Variants in KBTBD12 observed in about 807,000 individuals in gnomAD.
KBTBD12 encodes the protein kelch repeat and BTB domain-containing protein 12.
A neutral mutation model predicts 58.7 loss-of-function variants in KBTBD12; 53 were observed. That is an observed-to-expected ratio of 0.90 (90% CI 0.72 to 1.14). The LOEUF is 1.14. Among genes scored for constraint, KBTBD12 ranks in the 50% most tolerant of loss-of-function variants. The pLI is 0.00. For missense variants in KBTBD12, 704 were observed against 751.3 expected, an observed-to-expected ratio of 0.94 and a Z score of 0.74; for synonymous variants, 236 against 259.8, an observed-to-expected ratio of 0.91 and a Z score of 0.88.
intron 5 of KBTBD12, among the ~76,000 whole-genome samples, chr3:127,965,341 C>T (rs1432577064): frequency 6.6e-6 from 1 of 152,176 alleles, no homozygotes; most frequent in Non-Finnish European, 1.5e-5. Context: ...AAGGGACTTA[C>T]TATATGAGCT....
In KBTBD12 at chr3:127,972,775, G is replaced by A. The variant is rs2116672; in HGVS notation, c.1690+9389G>A. 5.4e-3 allele frequency among the ~76,000 whole-genome samples: 819 copies of A among 152,348 alleles called. 14 individuals carry two copies. The highest frequency in any genetic ancestry group is 0.051 in the East Asian group (263 of 5,182). On this transcript the variant is annotated intron_variant, in intron 5 of 5. Transcript: ENST00000405109. ...AGCCTGAAAGGGCAGTCACTGGCCA[G>A]ATTCAAAATAATTCAAACATCAAAA...
intron 4 of KBTBD12, among the ~76,000 whole-genome samples, chr3:127,930,885 T>A (rs971760792): frequency 9.9e-5 from 15 of 152,152 alleles, no homozygotes; most frequent in Non-Finnish European, 1.8e-4. Flanking sequence ...CAACATCCCC[T>A]ATGTATCCCC....
At chr3:127,953,505 C>T (rs996549622) in intron 4 of KBTBD12, among the ~76,000 whole-genome samples, 13 of 152,168 alleles carry the variant, frequency 8.5e-5, no homozygotes, top group Non-Finnish European at 1.5e-5. Context: ...AAGATGAAAA[C>T]ATTGTATTAC....
In KBTBD12 at chr3:127,986,725, G is replaced by A. The variant is rs1559779131; in HGVS notation, c.*2447G>A. 1.3e-5 allele frequency: 2 copies of A among 152,394 alleles called. No homozygotes were observed. The highest frequency in any genetic ancestry group is 2.9e-5 in the Non-Finnish European group (2 of 68,224). The allele number at this position is 152,394 out of a possible 1,614,324, so 9.4% of individuals were successfully genotyped here. ...GATGGTCTCAATCTCTTGACCTCGT[G>A]ATCTGCCCGCCTCGGCCTCCCAAAG... On this transcript the variant is annotated 3_prime_UTR_variant, in exon 6 of 6. Coordinates refer to ENST00000405109, the MANE Select transcript of KBTBD12 (RefSeq NM_207335.4).
chr3:127,921,097 C>A lies in KBTBD12; in HGVS notation c.-112-1853C>A, dbSNP rs113941388. 8.1e-3 allele frequency among the ~76,000 whole-genome samples: 1,228 copies of A among 152,100 alleles called. 29 individuals carry two copies. The highest frequency in any genetic ancestry group is 0.028 in the African/African-American group (1,179 of 41,506). ...AATATATAGATATATCCTGCTTCAC[C>A]TTTACCAAGCCAGTTTTACCAAGAA... On this transcript the variant is annotated intron_variant, in intron 1 of 5. Coordinates refer to ENST00000405109, the MANE Select transcript of KBTBD12 (RefSeq NM_207335.4).
At chr3:127,926,907 A>G (rs1191921671) in intron 2 of KBTBD12, among the ~76,000 whole-genome samples, 2 of 152,034 alleles carry the variant, frequency 1.3e-5, no homozygotes, top group East Asian at 3.9e-4. Context: ...AACCCCATGA[A>G]GTACTTCTGT....
chr3:127,937,283 G>T (rs894574050), intron 4 of KBTBD12, among the ~76,000 whole-genome samples: 8 of 151,934 alleles, frequency 5.3e-5, no homozygotes, highest in Admixed American at 3.3e-4. Flanking sequence ...AGAAATAAAA[G>T]AATAAAATTT....
At chr3:127,971,721 G>A (rs6439103) in intron 5 of KBTBD12, among the ~76,000 whole-genome samples, 24,018 of 152,148 alleles carry the variant, frequency 0.16, 2,150 homozygotes, top group South Asian at 0.32. Context: ...AGTGGGACCC[G>A]CTGTGGGCAG....
chr3:127,944,315 A>G (rs1051134325), intron 4 of KBTBD12, among the ~76,000 whole-genome samples: 1 of 152,210 alleles, frequency 6.6e-6, no homozygotes. Context: ...TAAATCTACA[A>G]ATATGGGATA....
intron 1 of KBTBD12, among the ~76,000 whole-genome samples, chr3:127,922,336 A>G (rs989050670): frequency 4.6e-5 from 7 of 152,162 alleles, no homozygotes; most frequent in African/African-American, 1.7e-4. Flanking sequence ...GTGACTTTTC[A>G]GATCAGCTGA....
At position 127,963,175 on chromosome 3, in the gene KBTBD12, A is replaced by G. The variant is rs146360915; in HGVS notation, c.1493-14A>G. ...GTTCCTGATCCTCTCATTTCTCCAC[A>G]TAATTCTCTGCAGGTGGCATTGGCT... is the stretch of plus-strand genomic sequence containing the variant. On this transcript the variant is annotated splice_polypyrimidine_tract_variant and intron_variant, in intron 4 of 5. Transcript: ENST00000405109. 7.5e-5 allele frequency: 119 copies of G among 1,583,530 alleles called. No individual in the cohort carries two copies. The African/African-American group carries it at 1.2e-3, about 16-fold the overall frequency.
chr3:127,916,139 G>A (rs1363134101), intron 1 of KBTBD12, among the ~76,000 whole-genome samples: 1 of 152,156 alleles, frequency 6.6e-6, no homozygotes, highest in East Asian at 1.9e-4. Flanking sequence ...AGCACTGTGA[G>A]AATGCAAAAC....
At chr3:127,920,993 A>G (rs1298535933) in intron 1 of KBTBD12, among the ~76,000 whole-genome samples, 3 of 152,022 alleles carry the variant, frequency 2.0e-5, no homozygotes, top group Non-Finnish European at 2.9e-5. Flanking sequence ...GAAAGTTACT[A>G]TCAGCTCTCT....
At chr3:127,919,152 G>A (rs1028385948) in intron 1 of KBTBD12, among the ~76,000 whole-genome samples, 1 of 151,908 alleles carries the variant, frequency 6.6e-6, no homozygotes, top group African/African-American at 2.4e-5. Flanking sequence ...AAATCAGTGG[G>A]TTTGATGTTG....
In KBTBD12 at chr3:127,984,137, C is replaced by T. The variant is rs770253784; in HGVS notation, c.1731C>T (p.Asp577=). 6.2e-6 allele frequency: 10 copies of T among 1,613,790 alleles called. No homozygotes were observed. In the South Asian group the frequency reaches 1.1e-4, roughly 18 times the overall value. The change falls in exon 6 of 6, where the codon GAC becomes GAT. Residue 577 remains aspartate, a synonymous_variant. Transcript: ENST00000405109. The part of the protein sequence containing the change: ...EVISKEILEL[D]PWENQWNVVA... ...TCTCCAAAGAAATATTGGAACTGGA[C>T]CCATGGGAAAACCAGTGGAATGTTG... is the stretch of plus-strand genomic sequence containing the variant.
chr3:127,921,209 A>G (rs1020435271), intron 1 of KBTBD12, among the ~76,000 whole-genome samples: 1 of 152,164 alleles, frequency 6.6e-6, no homozygotes, highest in African/African-American at 2.4e-5. Context: ...TGAGAAAACT[A>G]GAACATAAAG....
In KBTBD12 at chr3:127,984,015, G is replaced by T; in HGVS notation, c.1691-82G>T. The T allele has an allele frequency of 5.6e-6, 6 of 1,068,156 alleles. 1 individual carries two copies. The South Asian group carries it at 8.8e-5, about 16-fold the overall frequency. 66.2% of individuals were successfully genotyped at this position (1,068,156 alleles called of 1,614,324 possible). A position where few individuals can be genotyped will look rare whatever the true frequency, so the allele number is the denominator to read the frequency against. ...TGGACTAAGACATTGCCTTTTGGAG[G>T]AAGTTACTCAGTATGGTGCTGATGG... On this transcript the variant is annotated intron_variant, in intron 5 of 5. Transcript: ENST00000405109.
intron 4 of KBTBD12, among the ~76,000 whole-genome samples, chr3:127,952,389 A>G (rs1333677225): frequency 6.6e-6 from 1 of 152,182 alleles, no homozygotes; most frequent in Admixed American, 6.5e-5. Context: ...TCCCTAAACT[A>G]GAAGGCCACA....
At chr3:127,936,291 G>A (rs913856855) in intron 4 of KBTBD12, among the ~76,000 whole-genome samples, 4 of 151,922 alleles carry the variant, frequency 2.6e-5, no homozygotes, top group Non-Finnish European at 5.9e-5. Flanking sequence ...TCTTGAACCC[G>A]GGAGACAGAA....
Sources: gnomAD v4.1 joint callset for allele counts (sites outside exome capture counted in the v4.1 genomes callset) on GRCh38, gnomAD v4.1.1 for gene constraint, MANE v1.5 for transcripts, NCBI Gene and HGNC (gene_info 2026-07-23, HGNC 2026-07-21) for gene names.